Variants in CCDC15 observed in about 807,000 individuals in gnomAD.
CCDC15 encodes coiled-coil domain-containing protein 15.
Under a neutral mutation model 114.5 loss-of-function variants are expected in CCDC15, and 105 were observed. The observed-to-expected ratio is 0.92, with a 90% confidence interval of 0.78 to 1.08. The LOEUF is 1.08. Ranked by LOEUF, CCDC15 falls within the 50% of genes least tolerant of loss-of-function variation. The probability of loss-of-function intolerance (pLI) is 0.00; values close to 1 mark genes in which losing one functional copy is unlikely to be tolerated. For missense variants in CCDC15, 1,105 were observed against 1,093.6 expected (o/e 1.01, Z -0.15); for synonymous variants, 334 against 377.8 (o/e 0.88, Z 1.34).
intron 4 of CCDC15, among the ~76,000 whole-genome samples, chr11:124,967,061 C>T (rs993046812): frequency 6.6e-6 from 1 of 152,152 alleles, no homozygotes; most frequent in Non-Finnish European, 1.5e-5. Flanking sequence ...CTCTGGCTGA[C>T]CTTAACATTT....
At chr11:125,008,590 A>T (rs1158859280) in intron 13 of CCDC15, among the ~76,000 whole-genome samples, 1 of 152,134 alleles carries the variant, frequency 6.6e-6, no homozygotes, top group Non-Finnish European at 1.5e-5. Context: ...TTCTTATCCT[A>T]GCAGGTAAAC....
At chr11:125,024,615 T>G (rs1252788178) in intron 13 of CCDC15, among the ~76,000 whole-genome samples, 1 of 152,132 alleles carries the variant, frequency 6.6e-6, no homozygotes, top group Non-Finnish European at 1.5e-5. Flanking sequence ...TTCTTGCTAA[T>G]GTATGGAAAT....
chr11:124,964,339 C>T (rs1947728128), intron 4 of CCDC15, among the ~76,000 whole-genome samples: 1 of 152,130 alleles, frequency 6.6e-6, no homozygotes, highest in Non-Finnish European at 1.5e-5. Context: ...TTGTAGTTCT[C>T]CTTGAAGAGG....
chr11:124,962,411 C>T (rs1222241044), intron 4 of CCDC15, among the ~76,000 whole-genome samples: 1 of 152,066 alleles, frequency 6.6e-6, no homozygotes, highest in Non-Finnish European at 1.5e-5. Flanking sequence ...CTGGAATATA[C>T]TTAAATAATA....
chr11:124,990,336 T>TC (rs1354401366), intron 8 of CCDC15, among the ~76,000 whole-genome samples: 2 of 152,164 alleles, frequency 1.3e-5, no homozygotes, highest in Admixed American at 6.5e-5. Context: ...AGATCACTGA[T>TC]CATAGATCTC....
chr11:125,011,236 A>ATTT lies in CCDC15; in HGVS notation c.2411+6026_2411+6027insTTT, dbSNP rs1223910842. 3.1e-4 allele frequency among the ~76,000 whole-genome samples: 41 copies of ATTT among 133,646 alleles called. 1 individual carries two copies. The highest frequency in any genetic ancestry group is 2.8e-4 in the African/African-American group (9 of 32,210). The allele number at this position is 133,646 out of a possible 152,430, so 87.7% of individuals were successfully genotyped here. A position where few individuals can be genotyped will look rare whatever the true frequency, so the allele number is the denominator to read the frequency against. On this transcript the variant is annotated intron_variant, in intron 13 of 15. Coordinates refer to ENST00000344762, the MANE Select transcript of CCDC15 (RefSeq NM_025004.3). ...TAATAGAAGTATTATTATTATTATT[A>ATTT]TTATTATTATTATTTTTTAAGATGG...
chr11:125,009,841 T>C (rs1948577119), intron 13 of CCDC15, among the ~76,000 whole-genome samples: 1 of 152,246 alleles, frequency 6.6e-6, no homozygotes, highest in Admixed American at 6.5e-5. Flanking sequence ...ATTTCATTCT[T>C]TTATATGGTT....
chr11:124,962,187 C>G (rs1386289538), intron 4 of CCDC15, among the ~76,000 whole-genome samples: 1 of 152,042 alleles, frequency 6.6e-6, no homozygotes, highest in Non-Finnish European at 1.5e-5. Flanking sequence ...TAGATGTCAC[C>G]GTGAAACTAG....
At position 125,025,045 on chromosome 11, in the gene CCDC15, AATATATATGAAT is replaced by A. The variant is rs56147488; in HGVS notation, c.2412-13369_2412-13358del. On this transcript the variant is annotated intron_variant, in intron 13 of 15. Coordinates refer to ENST00000344762, the MANE Select transcript of CCDC15 (RefSeq NM_025004.3). ...ATGAATATATATATGAATACATATG[AATATATATGAAT>A]ATATATATGAATATATGAATATATA... 9.7e-5 allele frequency among the ~76,000 whole-genome samples: 10 copies of A among 103,170 alleles called. 1 individual carries two copies. Among genetic ancestry groups the A allele is most frequent in the Non-Finnish European group, 1.9e-4 (10 of 53,824 alleles). 67.7% of individuals were successfully genotyped at this position (103,170 alleles called of 152,430 possible). A position where few individuals can be genotyped will look rare whatever the true frequency, so the allele number is the denominator to read the frequency against.
chr11:125,033,817 A>G (rs1245332484), intron 13 of CCDC15, among the ~76,000 whole-genome samples: 1 of 152,222 alleles, frequency 6.6e-6, no homozygotes, highest in Non-Finnish European at 1.5e-5. Context: ...TAGTAGGCCC[A>G]AATCGACAAA....
At chr11:124,983,012 T>A (rs181140472) in intron 6 of CCDC15, among the ~76,000 whole-genome samples, 14 of 152,302 alleles carry the variant, frequency 9.2e-5, no homozygotes, top group Non-Finnish European at 1.3e-4. Context: ...TTTTCTTTAT[T>A]TTTGTCTGAC....
intron 4 of CCDC15, among the ~76,000 whole-genome samples, chr11:124,964,901 T>G (rs986772501): frequency 6.6e-6 from 1 of 152,198 alleles, no homozygotes; most frequent in African/African-American, 2.4e-5. Flanking sequence ...GAGATAATCA[T>G]GTGGTTTTTG....
intron 13 of CCDC15, among the ~76,000 whole-genome samples, chr11:125,035,232 ATGT>A (rs1407872284): frequency 1.3e-5 from 2 of 152,134 alleles, no homozygotes; most frequent in Admixed American, 1.3e-4. Context: ...ACTGGCTCAA[ATGT>A]TAATCTCTTT....
At chr11:125,000,420 G>A (rs533015336) in intron 11 of CCDC15, among the ~76,000 whole-genome samples, 4 of 152,196 alleles carry the variant, frequency 2.6e-5, no homozygotes, top group South Asian at 2.1e-4. Context: ...ACAGAATTAA[G>A]GGGTCCACTT....
In CCDC15 at chr11:125,005,118, C is replaced by T; in HGVS notation, c.2317C>T (p.Gln773Ter). The T allele has an allele frequency of 6.7e-7, 1 of 1,489,698 alleles. No individual in the cohort carries two copies. The highest frequency in any genetic ancestry group is 9.1e-7 in the Non-Finnish European group (1 of 1,097,382). 92.3% of individuals were successfully genotyped at this position (1,489,698 alleles called of 1,614,324 possible). The stretch of plus-strand genomic sequence containing the variant: ...AACTTCTTACCTTTAGCGTCAAAAG[C>T]AGTACCTGAGACATAGACGACTTTT... Reference protein sequence around the residue: ...KEEDKKERQKQYLRHRRLFMD... With the variant: ...KEEDKKERQK The change falls in exon 13 of 16, where the codon CAG (glutamine) becomes TAG (stop). Residue 773 changes from glutamine (Q) to a stop codon, truncating the protein, a stop_gained. Transcript: ENST00000344762. LOFTEE classifies it high-confidence loss of function.
At chr11:124,968,412 C>T (rs1947821583) in intron 4 of CCDC15, among the ~76,000 whole-genome samples, 1 of 152,204 alleles carries the variant, frequency 6.6e-6, no homozygotes, top group Non-Finnish European at 1.5e-5. Flanking sequence ...TAATCTCGGA[C>T]TGCTGCGCTA....
chr11:125,006,159 T>G (rs531397316), intron 13 of CCDC15, among the ~76,000 whole-genome samples: 2 of 152,334 alleles, frequency 1.3e-5, no homozygotes, highest in East Asian at 3.9e-4. Flanking sequence ...CCAAAGTGGC[T>G]ATACCATTTT....
intron 5 of CCDC15, among the ~76,000 whole-genome samples, chr11:124,976,213 A>G (rs1238367432): frequency 6.7e-6 from 1 of 148,888 alleles, no homozygotes; most frequent in Non-Finnish European, 1.5e-5. Flanking sequence ...GAATATGCAT[A>G]TAATATATAT....
chr11:125,000,441 T>G (rs1948459723), intron 11 of CCDC15, among the ~76,000 whole-genome samples: 1 of 152,134 alleles, frequency 6.6e-6, no homozygotes, highest in South Asian at 2.1e-4. Flanking sequence ...TCTAGCTCAC[T>G]TCTCTCTAGG....
Sources: gnomAD v4.1 joint callset for allele counts (sites outside exome capture counted in the v4.1 genomes callset) on GRCh38, gnomAD v4.1.1 for gene constraint, MANE v1.5 for transcripts, NCBI Gene and HGNC (gene_info 2026-07-23, HGNC 2026-07-21) for gene names.